AGBL1: variants seen among roughly 807,000 people sequenced by gnomAD.
AGBL1 encodes the protein AGBL carboxypeptidase 1, also known as cytosolic carboxypeptidase 4.
In AGBL1, 130 loss-of-function variants were observed where a neutral mutation model predicts 118.9. The ratio of observed to expected loss-of-function variants is 1.09; its 90% CI spans 0.95 to 1.26. AGBL1 has a LOEUF of 1.26. Among genes scored for constraint, AGBL1 ranks in the 50% most tolerant of loss-of-function variants. The probability of loss-of-function intolerance (pLI) is 0.00; values close to 1 mark genes in which losing one functional copy is unlikely to be tolerated. For synonymous variants in AGBL1, 555 were observed against 478.9 expected (o/e 1.16, Z -2.08); for missense variants, 1,584 against 1,298.1 (o/e 1.22, Z -3.38).
chr15:86,793,042 T>A (rs1012493857), intron 22 of AGBL1, among the ~76,000 whole-genome samples: 1 of 152,194 alleles, frequency 6.6e-6, no homozygotes, highest in African/African-American at 2.4e-5. Flanking sequence ...TTAATATTTT[T>A]AAATTTAACG....
chr15:87,020,969 AT>A (rs1416298387), intron 24 of AGBL1, among the ~76,000 whole-genome samples: 1 of 152,074 alleles, frequency 6.6e-6, no homozygotes, highest in Non-Finnish European at 1.5e-5. Context: ...TACCATTGAC[AT>A]TCTTTACAGA....
At chr15:86,245,079 CA>C (rs748550097) in intron 6 of AGBL1, among the ~76,000 whole-genome samples, 10 of 151,940 alleles carry the variant, frequency 6.6e-5, no homozygotes, top group Non-Finnish European at 1.3e-4. Context: ...GAGAAAAAAA[CA>C]AACAAACAAA....
chr15:86,290,359 T>C (rs2079524874), intron 16 of AGBL1, among the ~76,000 whole-genome samples: 1 of 139,530 alleles, frequency 7.2e-6, no homozygotes. Flanking sequence ...TTTTTTTTTT[T>C]TCTATTTTTA....
intron 5 of AGBL1, among the ~76,000 whole-genome samples, chr15:86,181,032 G>GAAGAAC (rs2077545256): frequency 6.6e-6 from 1 of 152,080 alleles, no homozygotes; most frequent in Non-Finnish European, 1.5e-5. Context: ...AATTGGCAAA[G>GAAGAAC]AAGAACACCA....
chr15:86,500,537 C>T (rs928296469), intron 18 of AGBL1, among the ~76,000 whole-genome samples: 14 of 151,478 alleles, frequency 9.2e-5, no homozygotes, highest in African/African-American at 3.4e-4. Flanking sequence ...CATTGCTATT[C>T]AGTTATTTCA....
At chr15:86,489,756 C>T (rs558850438) in intron 18 of AGBL1, among the ~76,000 whole-genome samples, 71 of 152,180 alleles carry the variant, frequency 4.7e-4, no homozygotes, top group African/African-American at 1.6e-3. Context: ...CGATTTTGCC[C>T]TTGACTGAAA....
intron 21 of AGBL1, among the ~76,000 whole-genome samples, chr15:86,662,430 A>G (rs1318291171): frequency 6.6e-6 from 1 of 152,234 alleles, no homozygotes; most frequent in African/African-American, 2.4e-5. Flanking sequence ...TGTAACTCAA[A>G]AGTGGTCATT....
chr15:86,470,400 G>T (rs1025287833), intron 18 of AGBL1, among the ~76,000 whole-genome samples: 1 of 152,106 alleles, frequency 6.6e-6, no homozygotes, highest in African/African-American at 2.4e-5. Flanking sequence ...TAATTTCTAA[G>T]ATCTCTATTG....
At chr15:86,534,523 G>T (rs184044060) in intron 19 of AGBL1, among the ~76,000 whole-genome samples, 23 of 152,232 alleles carry the variant, frequency 1.5e-4, no homozygotes, top group Non-Finnish European at 3.4e-4. Context: ...TTGATGGGTC[G>T]CAGAGATTCA....
chr15:86,926,234 G>A (rs1466491939), intron 23 of AGBL1, among the ~76,000 whole-genome samples: 1 of 152,114 alleles, frequency 6.6e-6, no homozygotes, highest in Non-Finnish European at 1.5e-5. Context: ...ATGAAAAGAA[G>A]TTATTGTGGA....
chr15:87,027,162 G>A (rs2081737030), intron 24 of AGBL1, among the ~76,000 whole-genome samples: 1 of 151,762 alleles, frequency 6.6e-6, no homozygotes, highest in Non-Finnish European at 1.5e-5. Context: ...ATATACATGT[G>A]GCTAACATAT....
At chr15:86,365,703 T>A (rs1415959143) in intron 17 of AGBL1, among the ~76,000 whole-genome samples, 2 of 152,136 alleles carry the variant, frequency 1.3e-5, no homozygotes, top group Non-Finnish European at 2.9e-5. Context: ...CACCCATTAC[T>A]TTTTAGTTCT....
chr15:86,664,166 C>T (rs1038932343), intron 21 of AGBL1, among the ~76,000 whole-genome samples: 3 of 152,116 alleles, frequency 2.0e-5, no homozygotes, highest in African/African-American at 7.2e-5. Flanking sequence ...GAAACCTGGG[C>T]TGAAAGGACA....
chr15:86,347,557 C>T (rs1008427490), intron 17 of AGBL1, among the ~76,000 whole-genome samples: 2 of 152,216 alleles, frequency 1.3e-5, no homozygotes, highest in African/African-American at 4.8e-5. Context: ...TAATTGCTCA[C>T]TGATACAGAG....
At chr15:86,682,959 TG>T (rs1481777836) in intron 22 of AGBL1, among the ~76,000 whole-genome samples, 1 of 152,152 alleles carries the variant, frequency 6.6e-6, no homozygotes, top group Non-Finnish European at 1.5e-5. Flanking sequence ...GTTTGCCAAA[TG>T]TCATGACTAT....
intron 22 of AGBL1, among the ~76,000 whole-genome samples, chr15:86,763,070 G>A (rs1272407277): frequency 1.3e-5 from 2 of 152,050 alleles, no homozygotes; most frequent in African/African-American, 4.8e-5. Flanking sequence ...AGCAGTTGCT[G>A]ATCACGTGAT....
At chr15:86,697,798 C>T (rs796899549) in intron 22 of AGBL1, among the ~76,000 whole-genome samples, 21 of 152,020 alleles carry the variant, frequency 1.4e-4, no homozygotes, top group African/African-American at 5.1e-4. Context: ...GTAATACTCT[C>T]CCCCTTTTCC....
chr15:86,690,209 T>G (rs2086138552), intron 22 of AGBL1, among the ~76,000 whole-genome samples: 1 of 152,118 alleles, frequency 6.6e-6, no homozygotes, highest in African/African-American at 2.4e-5. Context: ...TGTAATGAAA[T>G]TAAAGTCTTG....
chr15:86,428,449 T>A (rs1438473158), intron 18 of AGBL1, among the ~76,000 whole-genome samples: 1 of 152,262 alleles, frequency 6.6e-6, no homozygotes. Flanking sequence ...TCTTTTTTTC[T>A]AAATACACGG....
Sources: allele counts gnomAD v4.1 joint callset (sites outside exome capture counted in the v4.1 genomes callset), GRCh38; gene constraint gnomAD v4.1.1; transcripts MANE v1.5; gene names NCBI Gene and HGNC (gene_info 2026-07-23, HGNC 2026-07-21).